The following NACC2 variants were observed in gnomAD, a reference collection of about 807,000 sequenced individuals.
NACC2 encodes nucleus accumbens-associated protein 2.
A neutral mutation model predicts 25.1 loss-of-function variants in NACC2; 8 were observed. That is an observed-to-expected ratio of 0.32 (90% CI 0.19 to 0.57). The LOEUF (loss-of-function observed/expected upper bound fraction) is 0.57, where lower values mean the gene tolerates loss of function less well. NACC2 is among the 20% of genes least tolerant of loss of function. The probability of loss-of-function intolerance (pLI) is 0.89; values close to 1 mark genes in which losing one functional copy is unlikely to be tolerated. For missense variants in NACC2, 644 were observed against 650.2 expected (o/e 0.99, Z 0.10); for synonymous variants, 435 against 294.7 (o/e 1.48, Z -4.88).
intron 1 of NACC2, among the ~76,000 whole-genome samples, chr9:136,094,058 G>A (rs1830460992): frequency 1.3e-5 from 2 of 152,198 alleles, no homozygotes; most frequent in Admixed American, 1.3e-4. Flanking sequence ...ACACCAAGGT[G>A]CACGCGCTCC....
Position 136,086,619 on chromosome 9 carries a change from G to A in NACC2, c.-60+8570C>T, listed in dbSNP as rs1040238325. On this transcript the variant is annotated intron_variant, in intron 1 of 5. Transcript: ENST00000277554. This position sits in a 1 kb window ranked among gnomAD's most constrained non-coding sequence, Gnocchi z 5.6. ...CCACTTCCTATGACATGGACTCACCGCCTAAACTGGGTTACAATAATTAAC... is the reference window on the plus strand; with the variant it reads ...CCACTTCCTATGACATGGACTCACCACCTAAACTGGGTTACAATAATTAAC... 1.3e-5 allele frequency among the ~76,000 whole-genome samples: 2 copies of A among 152,174 alleles called. No homozygotes were observed. The highest frequency in any genetic ancestry group is 6.5e-5 in the Admixed American group (1 of 15,288).
intron 1 of NACC2, among the ~76,000 whole-genome samples, chr9:136,085,633 C>T (rs559551401): frequency 9.9e-5 from 15 of 152,162 alleles, no homozygotes; most frequent in Non-Finnish European, 1.5e-4. Flanking sequence ...TGGGTACAGG[C>T]GGGTGGCGGG....
In NACC2 at chr9:136,050,177, G is replaced by A. The variant is rs1840798464; in HGVS notation, c.345C>T (p.Arg115=). ...TCACCTTGAACATGAGGTCGGTGCC[G>A]CGCTCCACGATGTGCTGGATCTGCA... ...GFLQIQHIVE[R]GTDLMFKVSS... is the part of the protein sequence containing the mutation. Residue 115 remains arginine, a synonymous_variant, in exon 2 of 6, where the codon CGC becomes CGT. Transcript: ENST00000277554. The A allele has an allele frequency of 9.1e-6, 7 of 770,872 alleles. No homozygotes were observed. Among genetic ancestry groups the A allele is most frequent in the Admixed American group, 3.4e-5 (2 of 58,302 alleles). 47.8% of individuals were successfully genotyped at this position (770,872 alleles called of 1,614,324 possible). A position where few individuals can be genotyped will look rare whatever the true frequency, so the allele number is the denominator to read the frequency against.
At chr9:136,088,174 G>C (rs1349889332) in intron 1 of NACC2, among the ~76,000 whole-genome samples, 1 of 152,218 alleles carries the variant, frequency 6.6e-6, no homozygotes, top group Non-Finnish European at 1.5e-5. Flanking sequence ...TGCAGGGTCA[G>C]CGGAATTTTG....
intron 1 of NACC2, among the ~76,000 whole-genome samples, chr9:136,081,751 T>C (rs1486436768): frequency 6.6e-6 from 1 of 151,620 alleles, no homozygotes; most frequent in East Asian, 2.0e-4. Context: ...CCCCACCAAG[T>C]GGCGGCAGCA....
chr9:136,017,372 T>C (rs962391065), intron 2 of NACC2, among the ~76,000 whole-genome samples: 1 of 152,104 alleles, frequency 6.6e-6, no homozygotes, highest in African/African-American at 2.4e-5. Flanking sequence ...AGAGCGTTCA[T>C]GGAGGGCCAG....
intron 5 of NACC2, 94 bp from the exon 6 acceptor site, chr9:136,012,118 TC>T (rs1047154279): frequency 1.4e-6 from 2 of 1,401,430 alleles, no homozygotes; most frequent in Admixed American, 2.8e-5. Context: ...TGGATGAGCC[TC>T]CCCGGCCGCT....
chr9:136,090,831 G>C (rs1044240473), intron 1 of NACC2, among the ~76,000 whole-genome samples: 2 of 151,450 alleles, frequency 1.3e-5, no homozygotes, highest in Non-Finnish European at 3.0e-5. Context: ...AGCTGGGGCC[G>C]GCCAGCCCTG....
chr9:136,018,835 T>A lies in NACC2; in HGVS notation c.887-2406A>T, dbSNP rs1029156816. The stretch of plus-strand genomic sequence containing the variant: ...CACCCCCGGTGCAGCCTGCTGTGAT[T>A]ACACACGCGGAGAAGCCGCACGGTG... On this transcript the variant is annotated intron_variant, in intron 2 of 5. Transcript: ENST00000277554. This position sits in a 1 kb window ranked among gnomAD's most constrained non-coding sequence, Gnocchi z 4.4. Among the ~76,000 whole-genome samples the A allele has an allele frequency of 6.6e-6, 1 of 152,196 alleles. No individual in the cohort carries two copies. Among genetic ancestry groups the A allele is most frequent in the African/African-American group, 2.4e-5 (1 of 41,442 alleles).
chr9:136,064,677 C>T (rs1841059065), intron 1 of NACC2, among the ~76,000 whole-genome samples: 1 of 152,158 alleles, frequency 6.6e-6, no homozygotes, highest in Admixed American at 6.5e-5. Context: ...CAATCTCTAT[C>T]AAAATTCCGG....
chr9:136,074,585 G>A (rs868357778), intron 1 of NACC2, among the ~76,000 whole-genome samples: 3 of 151,254 alleles, frequency 2.0e-5, no homozygotes, highest in Admixed American at 6.6e-5. Flanking sequence ...TAACACAGAC[G>A]GACAGGTCAA....
rs1345455832 is a variant in NACC2, at chr9:136,020,387, C to A, written c.887-3958G>T. 6.6e-6 allele frequency among the ~76,000 whole-genome samples: 1 copy of A among 152,098 alleles called. No individual in the cohort carries two copies. The highest frequency in any genetic ancestry group is 1.5e-5 in the Non-Finnish European group (1 of 68,024). On this transcript the variant is annotated intron_variant, in intron 2 of 5. Transcript: ENST00000277554. This position sits in a 1 kb window ranked among gnomAD's most constrained non-coding sequence, Gnocchi z 4.7. ...CGGCAGGATGTCCCAGATGGCGAGC[C>A]CTGTTCCTGTCCCCAAGGCAGAGTG...
chr9:136,011,552 G>C lies in NACC2; in HGVS notation c.1728C>G (p.Ala576=). ...PSRPQTPAAA[A]RRPEGTYAGT... is the part of the protein sequence containing the mutation. Reference sequence around the variant, plus strand: ...CTGCATAGGTGCCCTCCGGCCTCCGGGCCGCGGCCGCCGGCGTCTGGGGCC... The same window carrying C: ...CTGCATAGGTGCCCTCCGGCCTCCGCGCCGCGGCCGCCGGCGTCTGGGGCC... The change falls in exon 6 of 6, where the codon GCC becomes GCG. Residue 576 remains alanine, a synonymous_variant. Coordinates refer to ENST00000277554, the MANE Select transcript of NACC2 (RefSeq NM_144653.5). The C allele has an allele frequency of 1.4e-6, 2 of 1,408,858 alleles. No homozygotes were observed. Among genetic ancestry groups the C allele is most frequent in the Non-Finnish European group, 1.8e-6 (2 of 1,087,582 alleles). The allele number at this position is 1,408,858 out of a possible 1,614,324, so 87.3% of individuals were successfully genotyped here. A position where few individuals can be genotyped will look rare whatever the true frequency, so the allele number is the denominator to read the frequency against.
chr9:136,032,707 T>TC (rs1840492181), intron 2 of NACC2, among the ~76,000 whole-genome samples: 1 of 151,954 alleles, frequency 6.6e-6, no homozygotes, highest in Non-Finnish European at 1.5e-5. Context: ...GACCAGCCCA[T>TC]CCAACATGGT....
chr9:136,026,301 C>T (rs1201225484), intron 2 of NACC2, among the ~76,000 whole-genome samples: 1 of 133,594 alleles, frequency 7.5e-6, no homozygotes, highest in East Asian at 2.3e-4. Flanking sequence ...CAAGATGGCA[C>T]CACTGCACTC....
chr9:136,038,480 T>C (rs1415064361), intron 2 of NACC2, among the ~76,000 whole-genome samples: 2 of 152,124 alleles, frequency 1.3e-5, no homozygotes, highest in Admixed American at 6.5e-5. Flanking sequence ...GCAGAGGGTA[T>C]AGTGAGTTGA....
chr9:136,050,475 A>G lies in NACC2; in HGVS notation c.47T>C (p.Val16Ala). The change falls in exon 2 of 6, where the codon GTG (valine) becomes GCG (alanine). Residue 16 changes from valine (V) to alanine (A), a missense_variant. Transcript: ENST00000277554. ...GCGCTGCTCGTTCAGGCAGCCCAGC[A>G]CTGTGTTCCCGAAGTTGGGGATCTC... The part of the protein sequence containing the change: ...HIEIPNFGNT[V>A]LGCLNEQRLL... 1.3e-6 allele frequency: 1 copy of G among 765,686 alleles called. No homozygotes were observed. Among genetic ancestry groups the G allele is most frequent in the Non-Finnish European group, 2.4e-6 (1 of 417,510 alleles). The allele number at this position is 765,686 out of a possible 1,614,324, so 47.4% of individuals were successfully genotyped here.
In NACC2 at chr9:136,011,650, C is replaced by T. The variant is rs1259504910; in HGVS notation, c.1630G>A (p.Ala544Thr). The stretch of plus-strand genomic sequence containing the variant: ...CCATCGGCGGGCAGCGGCTCGGGGG[C>T]GGCCACCTCCTGGATGACCGAGCCA... Reference protein sequence around the residue: ...GAGSVIQEVAAPEPLPADGQS... With the variant: ...GAGSVIQEVATPEPLPADGQS... Residue 544 changes from alanine (A) to threonine (T), a missense_variant, in exon 6 of 6, where the codon GCC becomes ACC. Physicochemically the swap from Ala to Thr is moderately conservative, Grantham distance 58. Transcript: ENST00000277554. 8 of 1,402,292 alleles carry T rather than the reference C, an allele frequency of 5.7e-6. No individual in the cohort carries two copies. Among genetic ancestry groups the T allele is most frequent in the East Asian group, 2.9e-5 (1 of 34,780 alleles). 86.9% of individuals were successfully genotyped at this position (1,402,292 alleles called of 1,614,324 possible). A position where few individuals can be genotyped will look rare whatever the true frequency, so the allele number is the denominator to read the frequency against.
Position 136,011,667 on chromosome 9 carries a change from A to G in NACC2, c.1613T>C (p.Val538Ala). The stretch of plus-strand genomic sequence containing the variant: ...CTCGGGGGCGGCCACCTCCTGGATG[A>G]CCGAGCCAGCCCCGTCCACCTCCTC... The part of the protein sequence containing the change: ...AGEEVDGAGS[V>A]IQEVAAPEPL... The change falls in exon 6 of 6, where the codon GTC becomes GCC. Residue 538 changes from valine (V) to alanine (A), a missense_variant. By Grantham distance (64) the Val-to-Ala change is moderately conservative. Coordinates refer to ENST00000277554, the MANE Select transcript of NACC2 (RefSeq NM_144653.5). 7.0e-7 allele frequency: 1 copy of G among 1,419,136 alleles called. No individual in the cohort carries two copies. The highest frequency in any genetic ancestry group is 1.5e-5 in the South Asian group (1 of 65,562). 87.9% of individuals were successfully genotyped at this position (1,419,136 alleles called of 1,614,324 possible). A position where few individuals can be genotyped will look rare whatever the true frequency, so the allele number is the denominator to read the frequency against.
Sources: gnomAD v4.1 joint callset for allele counts (sites outside exome capture counted in the v4.1 genomes callset) on GRCh38, gnomAD v4.1.1 for gene constraint, Gnocchi (gnomAD v3.1) non-coding constraint, MANE v1.5 for transcripts, NCBI Gene and HGNC (gene_info 2026-07-23, HGNC 2026-07-21) for gene names.